Variants in CAMKMT observed in about 807,000 individuals in gnomAD.
CAMKMT encodes CaM KMT.
A neutral mutation model predicts 48.0 loss-of-function variants in CAMKMT; 53 were observed. The ratio of observed to expected loss-of-function variants is 1.10; its 90% confidence interval spans 0.89 to 1.39. The LOEUF is 1.39. CAMKMT is among the 40% of genes most tolerant of loss of function. The pLI is 0.00. For missense variants in CAMKMT, 428 were observed against 402.7 expected (o/e 1.06, Z -0.54); for synonymous variants, 165 against 152.3 (o/e 1.08, Z -0.61).
At chr2:44,604,557 G>GTTTTTT (rs1352040305) in intron 3 of CAMKMT, among the ~76,000 whole-genome samples, 1 of 92,928 alleles carries the variant, frequency 1.1e-5, no homozygotes, top group African/African-American at 3.6e-5. Flanking sequence ...AAGCCAATCT[G>GTTTTTT]GTTTTTTTTT....
chr2:44,552,632 C>T (rs1406566047), intron 3 of CAMKMT, among the ~76,000 whole-genome samples: 1 of 152,186 alleles, frequency 6.6e-6, no homozygotes, highest in Non-Finnish European at 1.5e-5. Flanking sequence ...AAGCGATTTA[C>T]ATACATCATC....
intron 3 of CAMKMT, among the ~76,000 whole-genome samples, chr2:44,691,875 G>A (rs548332725): frequency 2.9e-4 from 44 of 152,074 alleles, no homozygotes; most frequent in Admixed American, 4.6e-4. Context: ...GCCTCCACCT[G>A]CCCACCTGCC....
At chr2:44,523,650 G>T (rs1572710261) in intron 3 of CAMKMT, among the ~76,000 whole-genome samples, 1 of 151,872 alleles carries the variant, frequency 6.6e-6, no homozygotes, top group African/African-American at 2.4e-5. Context: ...AACTGAGCTA[G>T]GATGACCTAA....
chr2:44,596,339 C>G (rs1670659413), intron 3 of CAMKMT, among the ~76,000 whole-genome samples: 2 of 151,874 alleles, frequency 1.3e-5, no homozygotes, highest in South Asian at 4.2e-4. Context: ...GTCCCAGCTA[C>G]TTGGGAGGCT....
intron 3 of CAMKMT, among the ~76,000 whole-genome samples, chr2:44,649,523 G>A (rs1286760721): frequency 6.6e-6 from 1 of 152,086 alleles, no homozygotes; most frequent in African/African-American, 2.4e-5. Flanking sequence ...AGGGAGAAAC[G>A]TCTGAACTGG....
rs1558843249 is a variant in CAMKMT at position 44,766,449 on chromosome 2, C to T, written c.782C>T (p.Ala261Val). 1 of 1,614,122 alleles carries T rather than the reference C, an allele frequency of 6.2e-7. No individual in the cohort carries two copies. ...TTCTAGGGGAAAGCGATGGTATTTG[C>T]CCCACGCCGAGGGAATACTTTAAAC... ...LQPRGKAMVF[A>V]PRRGNTLNQF... The change falls in exon 10 of 11, where the codon GCC (alanine) becomes GTC (valine). Residue 261 changes from alanine to valine, a missense_variant. Coordinates refer to ENST00000378494, the MANE Select transcript of CAMKMT (RefSeq NM_024766.5).
intron 3 of CAMKMT, among the ~76,000 whole-genome samples, chr2:44,581,261 A>G (rs1669544322): frequency 6.6e-6 from 1 of 152,228 alleles, no homozygotes; most frequent in Non-Finnish European, 1.5e-5. Flanking sequence ...CTTTATGTAT[A>G]TAGCTGTTTA....
intron 3 of CAMKMT, among the ~76,000 whole-genome samples, chr2:44,557,364 T>C (rs1306371305): frequency 1.3e-5 from 2 of 152,110 alleles, no homozygotes; most frequent in African/African-American, 2.4e-5. Context: ...ATGAAACAAA[T>C]AGGAAGCAAA....
At chr2:44,549,116 T>A (rs939504767) in intron 3 of CAMKMT, among the ~76,000 whole-genome samples, 1 of 152,170 alleles carries the variant, frequency 6.6e-6, no homozygotes, top group African/African-American at 2.4e-5. Context: ...TTTTCAAATC[T>A]TATGTCTCTT....
intron 7 of CAMKMT, among the ~76,000 whole-genome samples, chr2:44,728,086 G>C (rs1678886694): frequency 1.3e-5 from 2 of 151,866 alleles, no homozygotes; most frequent in Non-Finnish European, 2.9e-5. Flanking sequence ...CCACACCAGG[G>C]TATTTTTATT....
chr2:44,623,266 C>G (rs748976083), intron 3 of CAMKMT, among the ~76,000 whole-genome samples: 2 of 151,962 alleles, frequency 1.3e-5, no homozygotes, highest in Admixed American at 6.6e-5. Flanking sequence ...TTCTCCATTC[C>G]GTAGGCTGTC....
At chr2:44,370,807 T>C (rs548516790) in intron 1 of CAMKMT, among the ~76,000 whole-genome samples, 1 of 152,304 alleles carries the variant, frequency 6.6e-6, no homozygotes, top group East Asian at 1.9e-4. Flanking sequence ...CAAAATACTT[T>C]ATAATTTTCT....
intron 3 of CAMKMT, among the ~76,000 whole-genome samples, chr2:44,512,831 A>G (rs1437071408): frequency 7.3e-6 from 1 of 137,314 alleles, no homozygotes; most frequent in Non-Finnish European, 1.6e-5. Flanking sequence ...ATGCAAACCA[A>G]CTTCCATTCT....
At position 44,632,950 on chromosome 2, in the gene CAMKMT, A is replaced by G. The variant is rs547893859; in HGVS notation, c.377-71333A>G. On this transcript the variant is annotated intron_variant, in intron 3 of 10. Coordinates refer to ENST00000378494, the MANE Select transcript of CAMKMT (RefSeq NM_024766.5). ...TGGCCTATTGTGGAACCTTGTGATC[A>G]TGTGAGTTAATACTTAATAAACTCC... Among the ~76,000 whole-genome samples the G allele has an allele frequency of 3.3e-5, 5 of 152,324 alleles. No individual in the cohort carries two copies. The East Asian group carries it at 9.6e-4, about 29-fold the overall frequency.
In CAMKMT at chr2:44,372,853, A is replaced by G. The variant is rs377055016; in HGVS notation, c.276A>G (p.Thr92=). The G allele has an allele frequency of 8.7e-6, 14 of 1,613,920 alleles. No homozygotes were observed. Among genetic ancestry groups the G allele is most frequent in the Non-Finnish European group, 1.1e-5 (13 of 1,179,888 alleles). The change falls in exon 2 of 11, where the codon ACA becomes ACG. Residue 92 remains threonine, a synonymous_variant. Transcript: ENST00000378494. ...AGGTTGGTGCATGGGTCCAATATAC[A>G]AGCATCTTCTGTCCTGAATACAGTA... ...EEEVGAWVQY[T]SIFCPEYSIS... is the part of the protein sequence containing the mutation.
At chr2:44,727,879 C>G (rs1678874199) in intron 7 of CAMKMT, among the ~76,000 whole-genome samples, 4 of 152,014 alleles carry the variant, frequency 2.6e-5, no homozygotes, top group African/African-American at 9.7e-5. Context: ...ATGGTTTTTG[C>G]TTTTGATTCT....
chr2:44,373,720 T>A lies in CAMKMT; in HGVS notation c.311+832T>A, dbSNP rs1000887645. ...TATATGTTTCTCGAGCTATTTTAGT[T>A]TAGAATATCTAAGCTTTAAAACATA... On this transcript the variant is annotated intron_variant, in intron 2 of 10. Transcript: ENST00000378494. Among the ~76,000 whole-genome samples, 13 of 152,202 alleles carry A rather than the reference T, an allele frequency of 8.5e-5. 1 individual carries two copies. The highest frequency in any genetic ancestry group is 3.1e-4 in the African/African-American group (13 of 41,448).
At chr2:44,689,096 C>T (rs1472659324) in intron 3 of CAMKMT, among the ~76,000 whole-genome samples, 1 of 152,122 alleles carries the variant, frequency 6.6e-6, no homozygotes, top group African/African-American at 2.4e-5. Flanking sequence ...AAGAAGCTCA[C>T]TTTTGCTATT....
At chr2:44,491,274 G>A (rs1669490696) in intron 3 of CAMKMT, among the ~76,000 whole-genome samples, 3 of 152,078 alleles carry the variant, frequency 2.0e-5, no homozygotes, top group Admixed American at 2.0e-4. Context: ...GATAGAAGAG[G>A]TGGTCCATTC....
Sources: gnomAD v4.1 joint callset for allele counts (sites outside exome capture counted in the v4.1 genomes callset) on GRCh38, gnomAD v4.1.1 for gene constraint, MANE v1.5 for transcripts, NCBI Gene and HGNC (gene_info 2026-07-23, HGNC 2026-07-21) for gene names.